Variants in ATCAY observed in about 807,000 individuals in gnomAD.
ATCAY encodes the protein caytaxin.
In ATCAY, 22 loss-of-function variants were observed where a neutral mutation model predicts 47.7. The observed-to-expected ratio is 0.46, with a 90% CI of 0.33 to 0.66. The LOEUF (loss-of-function observed/expected upper bound fraction) is 0.66. ATCAY is among the 30% of genes least tolerant of loss of function. The probability of loss-of-function intolerance (pLI) is 0.02; values close to 1 mark genes in which losing one functional copy is unlikely to be tolerated. For synonymous variants in ATCAY, 216 were observed against 207.6 expected (o/e 1.04, Z -0.35); for missense variants, 452 against 515.0 (o/e 0.88, Z 1.18).
chr19:3,894,398 G>C (rs1416594009), intron 2 of ATCAY, among the ~76,000 whole-genome samples: 2 of 150,912 alleles, frequency 1.3e-5, no homozygotes, highest in African/African-American at 2.4e-5. Flanking sequence ...GCAGGAGAAT[G>C]GCGTGAACCC....
rs1295598391 is a variant in ATCAY at position 3,927,520 on chromosome 19, T to C, written c.*2928T>C. On this transcript the variant is annotated 3_prime_UTR_variant, in exon 13 of 13. Coordinates refer to ENST00000450849, the MANE Select transcript of ATCAY (RefSeq NM_033064.5). ...AGCAATCAAGTGACAAGTGAGGCCC[T>C]ACCTGACCCAGAAGGTGCCTGCCGG... 6.6e-6 allele frequency: 1 copy of C among 152,286 alleles called. No individual in the cohort carries two copies. Among genetic ancestry groups the C allele is most frequent in the Non-Finnish European group, 1.5e-5 (1 of 68,118 alleles). The allele number at this position is 152,286 out of a possible 1,614,324, so 9.4% of individuals were successfully genotyped here.
intron 1 of ATCAY, among the ~76,000 whole-genome samples, chr19:3,881,500 G>A (rs2038599137): frequency 1.5e-5 from 2 of 132,924 alleles, no homozygotes; most frequent in Admixed American, 8.0e-5. Context: ...GAACTCGTAT[G>A]TGATTTGTTA....
chr19:3,900,240 G>A (rs950544908), intron 2 of ATCAY, among the ~76,000 whole-genome samples: 8 of 150,840 alleles, frequency 5.3e-5, no homozygotes, highest in African/African-American at 9.8e-5. Context: ...CATCCAGGCT[G>A]GGGTGCAGTG....
At chr19:3,923,679 G>A (rs1292109355) in intron 12 of ATCAY, among the ~76,000 whole-genome samples, 1 of 151,758 alleles carries the variant, frequency 6.6e-6, no homozygotes, top group African/African-American at 2.4e-5. Flanking sequence ...GCATATGGAT[G>A]GGTAAATGGT....
At position 3,895,937 on chromosome 19, in the gene ATCAY, G is replaced by T. The variant is rs1032281777; in HGVS notation, c.78-6550G>T. Among the ~76,000 whole-genome samples the T allele has an allele frequency of 2.0e-5, 3 of 151,730 alleles. No homozygotes were observed. The Admixed American group carries it at 2.0e-4, about 10-fold the overall frequency. ...TCACTATGTTGCCCAGGCTAGTCTC[G>T]AACTCCTAGTCTCAAGAGATCCTCC... is the stretch of plus-strand genomic sequence containing the variant. On this transcript the variant is annotated intron_variant, in intron 2 of 12. Coordinates refer to ENST00000450849, the MANE Select transcript of ATCAY (RefSeq NM_033064.5).
chr19:3,884,803 A>C (rs1268298634), intron 1 of ATCAY, among the ~76,000 whole-genome samples: 1 of 152,070 alleles, frequency 6.6e-6, no homozygotes, highest in Non-Finnish European at 1.5e-5. Flanking sequence ...TGATGGTTCA[A>C]TAAGAAGTGC....
At chr19:3,901,373 T>C (rs1420087053) in intron 2 of ATCAY, among the ~76,000 whole-genome samples, 1 of 152,216 alleles carries the variant, frequency 6.6e-6, no homozygotes, top group East Asian at 1.9e-4. Flanking sequence ...TCATTATTTA[T>C]TTGGTTGCAC....
chr19:3,896,875 C>T (rs2038774547), intron 2 of ATCAY, among the ~76,000 whole-genome samples: 1 of 152,186 alleles, frequency 6.6e-6, no homozygotes, highest in Admixed American at 6.6e-5. Context: ...CTCCCAGGTT[C>T]AAGCGATTCT....
At chr19:3,912,320 T>A (rs906448333) in intron 8 of ATCAY, among the ~76,000 whole-genome samples, 6 of 147,144 alleles carry the variant, frequency 4.1e-5, no homozygotes, top group African/African-American at 1.6e-4. Context: ...AAAAAAAAAT[T>A]TTTTTTTTTT....
chr19:3,908,188 G>A (rs1416874213), intron 5 of ATCAY, 80 bp from the exon 6 acceptor site: 1 of 1,276,568 alleles, frequency 7.8e-7, no homozygotes, highest in Admixed American at 2.0e-5. Flanking sequence ...GTGGGCACCG[G>A]GACGTGGTGG....
intron 2 of ATCAY, 39 bp downstream of exon 2, chr19:3,885,883 C>A (rs56964691): frequency 2.0e-6 from 3 of 1,536,010 alleles, no homozygotes; most frequent in Admixed American, 3.9e-5. Context: ...GTTGGGGGAG[C>A]AGGTGTCTCT....
At chr19:3,892,971 C>G (rs2038731468) in intron 2 of ATCAY, among the ~76,000 whole-genome samples, 1 of 152,108 alleles carries the variant, frequency 6.6e-6, no homozygotes. Flanking sequence ...AGCTAATGCC[C>G]CTGCCCCAAA....
chr19:3,901,903 GA>G (rs2038818951), intron 2 of ATCAY, among the ~76,000 whole-genome samples: 1 of 152,162 alleles, frequency 6.6e-6, no homozygotes, highest in Admixed American at 6.6e-5. Context: ...GGCTGAGGCA[GA>G]AGAATGGCCT....
intron 12 of ATCAY, among the ~76,000 whole-genome samples, chr19:3,924,231 GTGTGGA>G (rs2039046445): frequency 7.0e-6 from 1 of 142,592 alleles, no homozygotes; most frequent in Non-Finnish European, 1.5e-5. Context: ...GTGAGTGAGT[GTGTGGA>G]TGGATGGATG....
rs149215212 is a variant in ATCAY at position 3,896,534 on chromosome 19, C to T, written c.78-5953C>T. 8.7e-4 allele frequency among the ~76,000 whole-genome samples: 125 copies of T among 143,408 alleles called. 1 individual carries two copies. Among genetic ancestry groups the T allele is most frequent in the Middle Eastern group, 4.4e-3 (1 of 228 alleles). The allele number at this position is 143,408 out of a possible 152,430, so 94.1% of individuals were successfully genotyped here. A position where few individuals can be genotyped will look rare whatever the true frequency, so the allele number is the denominator to read the frequency against. ...CACCTGCCTCGGCCTCCCAAAGTGC[C>T]GGGATTACAGGCATGAGCCCCTGCG... On this transcript the variant is annotated intron_variant, in intron 2 of 12. Coordinates refer to ENST00000450849, the MANE Select transcript of ATCAY (RefSeq NM_033064.5).
chr19:3,919,369 C>T (rs1599148311), intron 11 of ATCAY, among the ~76,000 whole-genome samples: 1 of 147,286 alleles, frequency 6.8e-6, no homozygotes, highest in East Asian at 2.1e-4. Context: ...TGAGGTGGGC[C>T]GATCACAAGG....
rs78093106 is a variant in ATCAY at position 3,895,061 on chromosome 19, T to C, written c.78-7426T>C. 5.1e-3 allele frequency: 2,307 copies of C among 449,102 alleles called. 46 individuals are homozygous for C. Among genetic ancestry groups the C allele is most frequent in the African/African-American group, 0.042 (2,072 of 49,918 alleles). 27.8% of individuals were successfully genotyped at this position (449,102 alleles called of 1,614,324 possible). A position where few individuals can be genotyped will look rare whatever the true frequency, so the allele number is the denominator to read the frequency against. ...TTTATTTCATTCATTTTCTTTGCCGTAAGCATCACTATCTGCCTTGTTCAC... is the reference window on the plus strand; with the variant it reads ...TTTATTTCATTCATTTTCTTTGCCGCAAGCATCACTATCTGCCTTGTTCAC... On this transcript the variant is annotated intron_variant, in intron 2 of 12. Transcript: ENST00000450849.
intron 2 of ATCAY, among the ~76,000 whole-genome samples, chr19:3,886,960 G>C (rs931560328): frequency 2.0e-5 from 3 of 151,902 alleles, no homozygotes; most frequent in African/African-American, 7.3e-5. Flanking sequence ...TGGATTCCAG[G>C]CAAGAGCCAC....
chr19:3,906,083 A>G (rs2038857936), intron 4 of ATCAY, among the ~76,000 whole-genome samples: 1 of 150,164 alleles, frequency 6.7e-6, no homozygotes, highest in Non-Finnish European at 1.5e-5. Context: ...AGGCAGGAGA[A>G]CGGTGTGAAC....
Sources: gnomAD v4.1 joint callset for allele counts (sites outside exome capture counted in the v4.1 genomes callset) on GRCh38, gnomAD v4.1.1 for gene constraint, MANE v1.5 for transcripts, NCBI Gene and HGNC (gene_info 2026-07-23, HGNC 2026-07-21) for gene names.